Variants in SVIL observed in about 807,000 individuals in gnomAD.
SVIL encodes archvillin.
A neutral mutation model predicts 240.4 loss-of-function variants in SVIL; 101 were observed. That is an observed-to-expected ratio of 0.42 (90% CI 0.36 to 0.50). The LOEUF is 0.50. Among genes scored for constraint, SVIL ranks in the 20% least tolerant of loss-of-function variants. The pLI, the probability that SVIL is intolerant of heterozygous loss-of-function variation, is 0.01. For synonymous variants in SVIL, 999 were observed against 1,100.0 expected, an observed-to-expected ratio of 0.91 and a Z score of 1.82; for missense variants, 2,512 against 2,818.7, an observed-to-expected ratio of 0.89 and a Z score of 2.46.
At chr10:29,526,608 C>T (rs1315961407) in intron 13 of SVIL, among the ~76,000 whole-genome samples, 1 of 152,022 alleles carries the variant, frequency 6.6e-6, no homozygotes, top group African/African-American at 2.4e-5. Context: ...TGGCCAATGT[C>T]CCATTTTTCT....
At chr10:29,614,504 CT>C (rs1224942999) in intron 1 of SVIL, among the ~76,000 whole-genome samples, 3 of 152,152 alleles carry the variant, frequency 2.0e-5, no homozygotes, top group Non-Finnish European at 2.9e-5. Context: ...AGTTCATGTC[CT>C]TTGCAGGGAC....
At chr10:29,663,677 A>C (rs536705368) in intron 2 of SVIL, among the ~76,000 whole-genome samples, 2 of 152,326 alleles carry the variant, frequency 1.3e-5, no homozygotes, top group South Asian at 4.1e-4. Flanking sequence ...TATATTCCAT[A>C]TGGACTTTTC....
intron 5 of SVIL, 149 bp downstream of exon 5, chr10:29,554,634 G>T: frequency 9.6e-7 from 1 of 1,038,386 alleles, no homozygotes; most frequent in Non-Finnish European, 1.3e-6. Context: ...CAGCCTGTGT[G>T]ACAGAGTGAA....
chr10:29,644,580 G>A (rs1323382878), intron 3 of SVIL, among the ~76,000 whole-genome samples: 7 of 152,002 alleles, frequency 4.6e-5, no homozygotes, highest in African/African-American at 1.7e-4. Context: ...TCTATAAAAC[G>A]GAACCACTTG....
At chr10:29,512,402 AT>A (rs1949902770) in intron 17 of SVIL, among the ~76,000 whole-genome samples, 3 of 152,170 alleles carry the variant, frequency 2.0e-5, no homozygotes, top group Non-Finnish European at 4.4e-5. Context: ...GGTGAATTCA[AT>A]TTTTTTCATT....
At chr10:29,606,807 T>G (rs949093983) in intron 1 of SVIL, among the ~76,000 whole-genome samples, 1 of 152,178 alleles carries the variant, frequency 6.6e-6, no homozygotes, top group African/African-American at 2.4e-5. Flanking sequence ...CAGGCTGGAG[T>G]GCAGTGGCAG....
chr10:29,544,987 C>T (rs756861489), intron 6 of SVIL: 6 of 534,284 alleles, frequency 1.1e-5, no homozygotes, highest in East Asian at 1.1e-4. Context: ...TTTAGAATGG[C>T]CCCCAAGATG....
chr10:29,531,147 A>C (rs904014166), intron 10 of SVIL, 107 bp downstream of exon 10: 6 of 1,041,750 alleles, frequency 5.8e-6, no homozygotes, highest in South Asian at 2.9e-5. Context: ...AAAGGGAGAC[A>C]CTGTTATGCT....
intron 17 of SVIL, among the ~76,000 whole-genome samples, chr10:29,510,852 T>C (rs1949780134): frequency 8.2e-6 from 1 of 122,462 alleles, no homozygotes; most frequent in African/African-American, 3.5e-5. Context: ...CTGAAAACAG[T>C]GCCAGCCCTC....
intron 20 of SVIL, among the ~76,000 whole-genome samples, chr10:29,494,484 G>A (rs1425407441): frequency 6.6e-6 from 1 of 152,106 alleles, no homozygotes; most frequent in Non-Finnish European, 1.5e-5. Flanking sequence ...CTTTTATTTG[G>A]TATACCGCAT....
chr10:29,496,318 T>G (rs1948438485), intron 18 of SVIL: 15 of 442,598 alleles, frequency 3.4e-5, no homozygotes, highest in South Asian at 2.4e-4. Flanking sequence ...AGGGTTTCCA[T>G]CCATGAGAAA....
intron 21 of SVIL, among the ~76,000 whole-genome samples, chr10:29,492,437 T>C (rs1398345147): frequency 6.6e-6 from 1 of 152,030 alleles, no homozygotes; most frequent in Non-Finnish European, 1.5e-5. Flanking sequence ...ACAGACTGTG[T>C]TCTGAGGGGC....
At chr10:29,629,100 A>G (rs1661175179) in intron 1 of SVIL, among the ~76,000 whole-genome samples, 1 of 152,146 alleles carries the variant, frequency 6.6e-6, no homozygotes, top group Admixed American at 6.5e-5. Flanking sequence ...GAAAGAAAGA[A>G]GTGATCGCTT....
chr10:29,516,062 C>T (rs1208979342), intron 16 of SVIL, among the ~76,000 whole-genome samples: 1 of 152,200 alleles, frequency 6.6e-6, no homozygotes, highest in Non-Finnish European at 1.5e-5. Flanking sequence ...CCCTCGCCTG[C>T]CTGTGTGTAG....
In SVIL at chr10:29,457,520, T is replaced by G. The variant is rs891311345; in HGVS notation, c.*727A>C. The G allele has an allele frequency of 6.6e-6, 1 of 152,658 alleles. No individual in the cohort carries two copies. Among genetic ancestry groups the G allele is most frequent in the Non-Finnish European group, 1.5e-5 (1 of 68,044 alleles). The allele number at this position is 152,658 out of a possible 1,614,324, so 9.5% of individuals were successfully genotyped here. A position where few individuals can be genotyped will look rare whatever the true frequency, so the allele number is the denominator to read the frequency against. On this transcript the variant is annotated 3_prime_UTR_variant, in exon 38 of 38. Transcript: ENST00000355867. ...CCATCATCAAAAATGCAGAGCAAAC[T>G]TTTCTGTATATAAACTGTACATAAA... is the stretch of plus-strand genomic sequence containing the variant.
At chr10:29,535,286 C>T (rs914839907) in intron 7 of SVIL, among the ~76,000 whole-genome samples, 7 of 152,084 alleles carry the variant, frequency 4.6e-5, no homozygotes, top group African/African-American at 1.2e-4. Flanking sequence ...ATACTTAAAA[C>T]GTTTGTTAAT....
upstream of SVIL, among the ~76,000 whole-genome samples, chr10:29,635,552 T>C (rs558972761): frequency 6.4e-4 from 97 of 152,352 alleles, no homozygotes; most frequent in African/African-American, 2.3e-3. Context: ...TGGCAAGATC[T>C]ATCTTCCTAT....
chr10:29,577,667 T>A (rs1955762640), intron 1 of SVIL, among the ~76,000 whole-genome samples: 1 of 152,244 alleles, frequency 6.6e-6, no homozygotes, highest in African/African-American at 2.4e-5. Flanking sequence ...GTCTTTTTTA[T>A]ATAATGACTT....
intron 30 of SVIL, chr10:29,473,445 G>A (rs1181834409): frequency 4.4e-6 from 1 of 227,278 alleles, no homozygotes; most frequent in Non-Finnish European, 8.5e-6. Context: ...TCATCCTACC[G>A]AGGCCTTGCC....
Sources: gnomAD v4.1 joint callset for allele counts (sites outside exome capture counted in the v4.1 genomes callset) on GRCh38, gnomAD v4.1.1 for gene constraint, MANE v1.5 for transcripts, NCBI Gene and HGNC (gene_info 2026-07-23, HGNC 2026-07-21) for gene names.